The following EFEMP1 variants were observed in gnomAD, a reference collection of about 807,000 sequenced individuals.
EFEMP1 encodes the protein EGF-like fibulin extracellular matrix protein 1, also known as EGF-containing fibulin-like extracellular matrix protein 1.
EFEMP1 carries 18 observed loss-of-function variants against 65.7 expected under a neutral mutation model. That is an observed-to-expected ratio of 0.27 (90% CI 0.19 to 0.41). The LOEUF (loss-of-function observed/expected upper bound fraction) is 0.41. EFEMP1 is among the 10% of genes least tolerant of loss of function. EFEMP1 has a pLI of 1.00. For missense variants in EFEMP1, 469 were observed against 624.8 expected, an observed-to-expected ratio of 0.75 and a Z score of 2.66; for synonymous variants, 237 against 219.7, an observed-to-expected ratio of 1.08 and a Z score of -0.70.
At position 55,867,149 on chromosome 2, in the gene EFEMP1, G is replaced by A. The variant is rs1668607343; in HGVS notation, c.1406C>T (p.Thr469Ile). The stretch of plus-strand genomic sequence containing the variant: ...GCGGAAGGTCCCTATACTGCTGACT[G>A]TCAGCATCTCCAGGTCCACGATATG... The part of the protein sequence containing the change: ...REHIVDLEML[T>I]VSSIGTFRTS... The change falls in exon 12 of 12, where the codon ACA (threonine) becomes ATA (isoleucine). Residue 469 changes from threonine to isoleucine, a missense_variant. Physicochemically the swap from Thr to Ile is moderately conservative, Grantham distance 89. This residue lies in a region of EFEMP1 where 399 missense variants were observed against 528.2 expected (regional missense o/e 0.76). Coordinates refer to ENST00000355426, the MANE Select transcript of EFEMP1 (RefSeq NM_001039348.3). The surrounding 1 kb of genome is among the most constrained non-coding windows in gnomAD (Gnocchi z 4.3). 6.2e-7 allele frequency: 1 copy of A among 1,613,932 alleles called. No individual in the cohort carries two copies. The highest frequency in any genetic ancestry group is 8.5e-7 in the Non-Finnish European group (1 of 1,179,956).
chr2:55,889,629 G>A (rs1669557284), intron 5 of EFEMP1, among the ~76,000 whole-genome samples: 1 of 151,810 alleles, frequency 6.6e-6, no homozygotes, highest in Non-Finnish European at 1.5e-5. Context: ...AAGTATTTTG[G>A]GATTTATAAA....
chr2:55,916,656 G>A (rs1311117606), intron 5 of EFEMP1, among the ~76,000 whole-genome samples: 1 of 152,182 alleles, frequency 6.6e-6, no homozygotes, highest in Admixed American at 6.5e-5. Context: ...TGCCATACAC[G>A]TATGTGGTGG....
At chr2:55,880,414 G>A (rs1669196397) in intron 6 of EFEMP1, among the ~76,000 whole-genome samples, 1 of 152,066 alleles carries the variant, frequency 6.6e-6, no homozygotes, top group Admixed American at 6.6e-5. Context: ...CTAATACAAT[G>A]GCCAAACTTT....
At position 55,881,657 on chromosome 2, in the gene EFEMP1, A is replaced by G; in HGVS notation, c.595T>C (p.Cys199Arg). Residue 199 changes from cysteine (C) to arginine (R), a missense_variant, in exon 6 of 12, where the codon TGT (cysteine) becomes CGT (arginine). Around this residue, in one of 3 missense-constraint regions of EFEMP1, gnomAD observed 399 missense variants for 528.2 expected, o/e 0.76. Coordinates refer to ENST00000355426, the MANE Select transcript of EFEMP1 (RefSeq NM_001039348.3). ...VCINLRGSFA[C>R]QCPPGYQKRG... is the part of the protein sequence containing the mutation. Reference sequence around the variant, plus strand: ...TTCTGATATCCAGGAGGGCACTGACATGCAAAGGATCCCCGTAAATTGATG... The same window carrying G: ...TTCTGATATCCAGGAGGGCACTGACGTGCAAAGGATCCCCGTAAATTGATG... 6.2e-7 allele frequency: 1 copy of G among 1,613,938 alleles called. No individual in the cohort carries two copies. The highest frequency in any genetic ancestry group is 8.5e-7 in the Non-Finnish European group (1 of 1,179,910).
At position 55,883,704 on chromosome 2, in the gene EFEMP1, G is replaced by A. The variant is rs981672978; in HGVS notation, c.518-1970C>T. Reference sequence around the variant, plus strand: ...TGCATTCCTACAACTGATGCCCTATGACTTCCTTCCTACTTTCTTGTTGCT... The same window carrying A: ...TGCATTCCTACAACTGATGCCCTATAACTTCCTTCCTACTTTCTTGTTGCT... On this transcript the variant is annotated intron_variant, in intron 5 of 11. Coordinates refer to ENST00000355426, the MANE Select transcript of EFEMP1 (RefSeq NM_001039348.3). The surrounding 1 kb of genome is among the most constrained non-coding windows in gnomAD (Gnocchi z 4.5). 5.3e-5 allele frequency among the ~76,000 whole-genome samples: 8 copies of A among 152,182 alleles called. No individual in the cohort carries two copies. The highest frequency in any genetic ancestry group is 2.0e-4 in the Admixed American group (3 of 15,284).
intron 5 of EFEMP1, among the ~76,000 whole-genome samples, chr2:55,912,871 A>C (rs1268189630): frequency 6.6e-6 from 1 of 152,138 alleles, no homozygotes; most frequent in Non-Finnish European, 1.5e-5. Context: ...GAATGTGAAA[A>C]GATTGCTAAC....
intron 5 of EFEMP1, among the ~76,000 whole-genome samples, chr2:55,893,876 G>A (rs758515375): frequency 2.6e-5 from 4 of 152,168 alleles, no homozygotes; most frequent in Non-Finnish European, 5.9e-5. Context: ...CAATCAACAG[G>A]AGCATCTATG....
In EFEMP1 at chr2:55,871,623, G is replaced by A. The variant is rs1249175239; in HGVS notation, c.1001-500C>T. Among the ~76,000 whole-genome samples, 3 of 152,030 alleles carry A rather than the reference G, an allele frequency of 2.0e-5. No individual in the cohort carries two copies. The highest frequency in any genetic ancestry group is 1.3e-4 in the Admixed American group (2 of 15,244). ...TGGCCTTGAAGGGTGGTGGTTAGAT[G>A]GAGTTTTCATGGCTGGGGCAGGGAA... On this transcript the variant is annotated intron_variant, in intron 9 of 11. Coordinates refer to ENST00000355426, the MANE Select transcript of EFEMP1 (RefSeq NM_001039348.3). This position sits in a 1 kb window ranked among gnomAD's most constrained non-coding sequence, Gnocchi z 4.2.
At chr2:55,892,408 T>G (rs1669660946) in intron 5 of EFEMP1, among the ~76,000 whole-genome samples, 1 of 152,140 alleles carries the variant, frequency 6.6e-6, no homozygotes, top group South Asian at 2.1e-4. Flanking sequence ...GCTTTTGCTT[T>G]CTTGGGGCCA....
At position 55,885,801 on chromosome 2, in the gene EFEMP1, T is replaced by A. The variant is rs1441956285; in HGVS notation, c.518-4067A>T. ...GTTAATGGAGACAACTTTGTCCACA[T>A]CTCTGTGGTGTCCATTAAGTCCCTG... is the stretch of plus-strand genomic sequence containing the variant. On this transcript the variant is annotated intron_variant, in intron 5 of 11. Transcript: ENST00000355426. This position sits in a 1 kb window ranked among gnomAD's most constrained non-coding sequence, Gnocchi z 4.3. 1.3e-5 allele frequency among the ~76,000 whole-genome samples: 2 copies of A among 152,152 alleles called. No individual in the cohort carries two copies. The highest frequency in any genetic ancestry group is 2.9e-5 in the Non-Finnish European group (2 of 68,030).
chr2:55,912,254 G>A (rs993111391), intron 5 of EFEMP1, among the ~76,000 whole-genome samples: 4 of 152,010 alleles, frequency 2.6e-5, no homozygotes. Flanking sequence ...TAATTATATG[G>A]AAGAAAAATT....
Position 55,917,856 on chromosome 2 carries a change from G to T in EFEMP1, c.326C>A (p.Thr109Asn), listed in dbSNP as rs756800857. Reference protein sequence around the residue: ...TGVVAASSMATSGVLPGGGFV... With the variant: ...TGVVAASSMANSGVLPGGGFV... ...ACCACCCCCGGGCAACACTCCACTG[G>T]TTGCCATGCTGCTGGCAGCTACAAC... The change falls in exon 5 of 12, where the codon ACC becomes AAC. Residue 109 changes from threonine to asparagine, a missense_variant. Physicochemically the swap from Thr to Asn is moderately conservative, Grantham distance 65. This residue lies in a region of EFEMP1 where 399 missense variants were observed against 528.2 expected (regional missense o/e 0.76). Transcript: ENST00000355426. The surrounding 1 kb of genome is among the most constrained non-coding windows in gnomAD (Gnocchi z 6.3). The T allele has an allele frequency of 6.2e-7, 1 of 1,614,244 alleles. No homozygotes were observed. The highest frequency in any genetic ancestry group is 1.1e-5 in the South Asian group (1 of 91,084).
In EFEMP1 at chr2:55,922,916, C is replaced by T. The variant is rs1670955985; in HGVS notation, c.-25G>A. The T allele has an allele frequency of 9.4e-7, 1 of 1,068,958 alleles. No individual in the cohort carries two copies. The highest frequency in any genetic ancestry group is 1.1e-6 in the Non-Finnish European group (1 of 879,878). 66.2% of individuals were successfully genotyped at this position (1,068,958 alleles called of 1,614,324 possible). A position where few individuals can be genotyped will look rare whatever the true frequency, so the allele number is the denominator to read the frequency against. On this transcript the variant is annotated 5_prime_UTR_variant, in exon 2 of 12. Transcript: ENST00000355426. The surrounding 1 kb of genome is among the most constrained non-coding windows in gnomAD (Gnocchi z 5.5). The stretch of plus-strand genomic sequence containing the variant: ...ATACTCACCTTGAGCTAGCAGAGTT[C>T]CTTGCACAGCACAGCAAAAATACCT...
At chr2:55,898,460 C>A (rs1669913539) in intron 5 of EFEMP1, among the ~76,000 whole-genome samples, 2 of 152,082 alleles carry the variant, frequency 1.3e-5, no homozygotes, top group Admixed American at 1.3e-4. Flanking sequence ...TTTTATGCCT[C>A]TTACTAGCAT....
chr2:55,908,357 T>G (rs541562189), intron 5 of EFEMP1, among the ~76,000 whole-genome samples: 1 of 152,126 alleles, frequency 6.6e-6, no homozygotes, highest in Non-Finnish European at 1.5e-5. Context: ...AATTACAGCA[T>G]GATCTCACTT....
At chr2:55,876,027 T>A (rs770566133) in intron 8 of EFEMP1, among the ~76,000 whole-genome samples, 2 of 151,936 alleles carry the variant, frequency 1.3e-5, no homozygotes, top group Non-Finnish European at 2.9e-5. Context: ...CCTTTTGAAT[T>A]ATATAACGAA....
chr2:55,895,725 T>C (rs530349026), intron 5 of EFEMP1, among the ~76,000 whole-genome samples: 1 of 151,714 alleles, frequency 6.6e-6, no homozygotes, highest in Non-Finnish European at 1.5e-5. Context: ...GTATTTTTAG[T>C]AGAGACGGGG....
At chr2:55,895,759 T>A (rs1669806764) in intron 5 of EFEMP1, among the ~76,000 whole-genome samples, 1 of 151,566 alleles carries the variant, frequency 6.6e-6, no homozygotes, top group Non-Finnish European at 1.5e-5. Flanking sequence ...GCCAGGATTG[T>A]CTCTATCTCC....
At chr2:55,868,036 G>A (rs1172179571) in intron 11 of EFEMP1, among the ~76,000 whole-genome samples, 1 of 152,062 alleles carries the variant, frequency 6.6e-6, no homozygotes, top group Non-Finnish European at 1.5e-5. Context: ...AGGGCTACTT[G>A]TTATATACTC....
Sources: allele counts gnomAD v4.1 joint callset (sites outside exome capture counted in the v4.1 genomes callset), GRCh38; gene constraint gnomAD v4.1.1; regional missense constraint gnomAD v4.1.1; non-coding constraint Gnocchi (gnomAD v3.1); transcripts MANE v1.5; gene names NCBI Gene and HGNC (gene_info 2026-07-23, HGNC 2026-07-21).